The following RAP1GDS1 variants were observed in gnomAD, a reference collection of about 807,000 sequenced individuals.
RAP1GDS1 encodes the protein RAP1, GTP-GDP dissociation stimulator 1.
Under a neutral mutation model 71.1 loss-of-function variants are expected in RAP1GDS1, and 35 were observed. The observed-to-expected ratio is 0.49, with a 90% CI of 0.38 to 0.65. RAP1GDS1 has a LOEUF of 0.65. Among genes scored for constraint, RAP1GDS1 ranks in the 30% least tolerant of loss-of-function variants. The pLI is 0.00. For missense variants in RAP1GDS1, 663 were observed against 706.1 expected (o/e 0.94, Z 0.69); for synonymous variants, 229 against 243.1 (o/e 0.94, Z 0.54).
At chr4:98,343,389 G>T in intron 3 of RAP1GDS1, 128 bp downstream of exon 3, 1 of 1,190,786 alleles carries the variant, frequency 8.4e-7, no homozygotes. Context: ...TTTATCTTTT[G>T]TTTGACTCTT....
chr4:98,352,439 C>T (rs1171139742), intron 3 of RAP1GDS1, 37 bp from the exon 4 acceptor site: 27 of 1,597,358 alleles, frequency 1.7e-5, no homozygotes, highest in East Asian at 2.2e-5. Flanking sequence ...AATTGTGAAT[C>T]GTTAGATTTT....
intron 1 of RAP1GDS1, among the ~76,000 whole-genome samples, chr4:98,268,360 T>G (rs1722984303): frequency 6.6e-6 from 1 of 152,074 alleles, no homozygotes; most frequent in Non-Finnish European, 1.5e-5. Context: ...ATAGCTAACA[T>G]CATACTTAAT....
At chr4:98,314,826 G>A (rs1041373202) in intron 2 of RAP1GDS1, among the ~76,000 whole-genome samples, 7 of 152,134 alleles carry the variant, frequency 4.6e-5, no homozygotes, top group Non-Finnish European at 8.8e-5. Context: ...GTCACAGAGG[G>A]GATGACATTT....
At chr4:98,411,979 A>G in intron 7 of RAP1GDS1, among the ~76,000 whole-genome samples, 1 of 152,208 alleles carries the variant, frequency 6.6e-6, no homozygotes, top group Non-Finnish European at 1.5e-5. Context: ...GAAATATTCC[A>G]GGTTGAATAC....
At chr4:98,326,290 C>A (rs988027791) in intron 2 of RAP1GDS1, among the ~76,000 whole-genome samples, 1 of 152,152 alleles carries the variant, frequency 6.6e-6, no homozygotes, top group Non-Finnish European at 1.5e-5. Context: ...CCAAAAGTTA[C>A]ATAAAATTAT....
At chr4:98,383,170 T>C (rs992625407) in intron 5 of RAP1GDS1, among the ~76,000 whole-genome samples, 1 of 151,662 alleles carries the variant, frequency 6.6e-6, no homozygotes, top group African/African-American at 2.4e-5. Context: ...GGTTTAACTT[T>C]TTCTCCTAGT....
rs543565615 is a variant in RAP1GDS1 at position 98,370,808 on chromosome 4, T to C, written c.362-8209T>C. Among the ~76,000 whole-genome samples, 171 of 152,198 alleles carry C rather than the reference T, an allele frequency of 1.1e-3. 1 individual carries two copies. In the South Asian group the frequency reaches 0.018, roughly 16 times the overall value. On this transcript the variant is annotated intron_variant, in intron 4 of 14. Transcript: ENST00000408927. Reference sequence around the variant, plus strand: ...CTGGTCTCGAACTCCTGACCTCAGGTAATCCACCTGCCCCAGCCTCCCAAA... The same window carrying C: ...CTGGTCTCGAACTCCTGACCTCAGGCAATCCACCTGCCCCAGCCTCCCAAA...
In RAP1GDS1 at chr4:98,433,981, G is replaced by A; in HGVS notation, c.1486G>A (p.Val496Ile). 1 of 1,612,638 alleles carries A rather than the reference G, an allele frequency of 6.2e-7. No homozygotes were observed. Among genetic ancestry groups the A allele is most frequent in the Non-Finnish European group, 8.5e-7 (1 of 1,178,674 alleles). ...IVQSGGIKHL[V>I]TMATSEHVIM... ...GCAGAGTGGTGGCATCAAGCATCTA[G>A]TTACCATGGCAACTAGTGAACATGT... Residue 496 changes from valine (V) to isoleucine (I), a missense_variant, in exon 13 of 15, where the codon GTT becomes ATT. Coordinates refer to ENST00000408927, the MANE Select transcript of RAP1GDS1 (RefSeq NM_001100427.2).
chr4:98,421,741 A>G (rs1317437710), intron 12 of RAP1GDS1, among the ~76,000 whole-genome samples: 1 of 152,082 alleles, frequency 6.6e-6, no homozygotes, highest in African/African-American at 2.4e-5. Context: ...ACAGAGTTAG[A>G]AAAAAATCCA....
chr4:98,336,680 C>T (rs1019909146), intron 2 of RAP1GDS1, among the ~76,000 whole-genome samples: 1 of 151,944 alleles, frequency 6.6e-6, no homozygotes, highest in Non-Finnish European at 1.5e-5. Flanking sequence ...GTTTTCTTCA[C>T]TAGGGGAAGA....
intron 2 of RAP1GDS1, among the ~76,000 whole-genome samples, chr4:98,312,843 G>C (rs1445621028): frequency 6.6e-6 from 1 of 151,928 alleles, no homozygotes; most frequent in African/African-American, 2.4e-5. Context: ...GCTGAGGCGG[G>C]TGGATCGCAA....
intron 14 of RAP1GDS1, among the ~76,000 whole-genome samples, chr4:98,438,856 C>G (rs928177099): frequency 3.3e-5 from 5 of 151,956 alleles, no homozygotes; most frequent in Non-Finnish European, 4.4e-5. Context: ...CTGCCTTGGC[C>G]TCCCAAAGTG....
At chr4:98,354,168 T>C (rs113634576) in intron 4 of RAP1GDS1, among the ~76,000 whole-genome samples, 1 of 150,956 alleles carries the variant, frequency 6.6e-6, no homozygotes, top group Middle Eastern at 3.4e-3. Flanking sequence ...GTTCACGCCA[T>C]TCTCCTGCCT....
At chr4:98,264,156 C>T (rs1038509785) in intron 1 of RAP1GDS1, among the ~76,000 whole-genome samples, 2 of 151,986 alleles carry the variant, frequency 1.3e-5, no homozygotes, top group East Asian at 1.9e-4. Context: ...TTTGGGAGGC[C>T]GAGGCGGGCG....
intron 1 of RAP1GDS1, among the ~76,000 whole-genome samples, chr4:98,269,956 T>A (rs1312883604): frequency 1.3e-5 from 2 of 152,178 alleles, no homozygotes; most frequent in African/African-American, 4.8e-5. Context: ...TATGACAGAA[T>A]ACTGCAGACT....
intron 3 of RAP1GDS1, among the ~76,000 whole-genome samples, chr4:98,349,472 A>G (rs1221241992): frequency 2.6e-5 from 4 of 152,124 alleles, no homozygotes; most frequent in Non-Finnish European, 5.9e-5. Context: ...TTCCATATGA[A>G]CTTTAAGGTA....
chr4:98,314,838 A>T (rs979475342), intron 2 of RAP1GDS1, among the ~76,000 whole-genome samples: 7 of 152,196 alleles, frequency 4.6e-5, no homozygotes, highest in African/African-American at 1.7e-4. Context: ...ATGACATTTT[A>T]TCCGGGTCCT....
At chr4:98,271,180 T>C (rs1216006662) in intron 1 of RAP1GDS1, among the ~76,000 whole-genome samples, 2 of 152,134 alleles carry the variant, frequency 1.3e-5, no homozygotes, top group African/African-American at 4.8e-5. Flanking sequence ...TCCAAAGTCC[T>C]TTTTGTTCAC....
At chr4:98,351,555 A>G (rs1405734065) in intron 3 of RAP1GDS1, among the ~76,000 whole-genome samples, 1 of 152,150 alleles carries the variant, frequency 6.6e-6, no homozygotes, top group Non-Finnish European at 1.5e-5. Context: ...TGGATAAATT[A>G]GTTCTTTGTT....
Sources: gnomAD v4.1 joint callset for allele counts (sites outside exome capture counted in the v4.1 genomes callset) on GRCh38, gnomAD v4.1.1 for gene constraint, MANE v1.5 for transcripts, NCBI Gene and HGNC (gene_info 2026-07-23, HGNC 2026-07-21) for gene names.